Variants in AKT1S1 observed in about 807,000 individuals in gnomAD.
AKT1S1 encodes AKT1 substrate 1.
AKT1S1 carries 17 observed loss-of-function variants against 21.2 expected under a neutral mutation model. The observed-to-expected ratio is 0.80, with a 90% CI of 0.55 to 1.20. AKT1S1 has a LOEUF of 1.20. Ranked by LOEUF, AKT1S1 falls within the 50% of genes most tolerant of loss-of-function variation. The pLI is 0.00. For synonymous variants in AKT1S1, 181 were observed against 165.6 expected, an observed-to-expected ratio of 1.09 and a Z score of -0.72; for missense variants, 366 against 368.3, an observed-to-expected ratio of 0.99 and a Z score of 0.05.
intron 4 of AKT1S1, among the ~76,000 whole-genome samples, chr19:49,871,162 G>A (rs2074879155): frequency 1.3e-5 from 2 of 152,290 alleles, no homozygotes; most frequent in African/African-American, 2.4e-5. Flanking sequence ...TACAAGGGGT[G>A]AACAGGGGAC....
At chr19:49,877,414 G>A (rs994607244), upstream of AKT1S1, 23 of 430,162 alleles carry the variant, frequency 5.3e-5, no homozygotes, top group Middle Eastern at 1.2e-3. Flanking sequence ...GTTTCAAGGC[G>A]TGCTTGCCCC....
chr19:49,869,968 T>C lies in AKT1S1; in HGVS notation c.720A>G (p.Pro240=), dbSNP rs925612605. 6.5e-7 allele frequency: 1 copy of C among 1,545,568 alleles called. No individual in the cohort carries two copies. The highest frequency in any genetic ancestry group is 8.8e-7 in the Non-Finnish European group (1 of 1,142,550). Residue 240 remains proline (P), a synonymous_variant, in exon 5 of 5, where the codon CCA becomes CCG. Transcript: ENST00000344175. ...AEDTQVFGDL[P]RPRLNTSDFQ... ...AGTCGCTGGTGTTAAGCCGCGGCCG[T>C]GGCAGGTCCCCGAAGACCTGGGTGT...
upstream of AKT1S1, chr19:49,878,161 G>A (rs1319941193): frequency 3.2e-6 from 5 of 1,578,332 alleles, no homozygotes; most frequent in African/African-American, 1.4e-5. Context: ...TGAGAAGGGC[G>A]GAGTGTACCT....
intron 4 of AKT1S1, 117 bp from the exon 5 acceptor site, chr19:49,870,177 C>G (rs2074868755): frequency 1.5e-5 from 18 of 1,201,216 alleles, no homozygotes; most frequent in Non-Finnish European, 1.9e-5. Context: ...CCTGCCCTGC[C>G]ACCTGTGCCC....
In AKT1S1 at chr19:49,873,334, G is replaced by A. The variant is rs1044006410; in HGVS notation, c.-7-32C>T. 1.1e-5 allele frequency: 15 copies of A among 1,411,282 alleles called. No individual in the cohort carries two copies. The Admixed American group carries it at 3.7e-4, about 35-fold the overall frequency. 87.4% of individuals were successfully genotyped at this position (1,411,282 alleles called of 1,614,324 possible). A position where few individuals can be genotyped will look rare whatever the true frequency, so the allele number is the denominator to read the frequency against. ...GCCAGAGCAGGACAGAGGGGGCTGA[G>A]GCTTGGCGGCCTACATCATCGCCAC... is the stretch of plus-strand genomic sequence containing the variant. On this transcript the variant is annotated intron_variant, in intron 1 of 4. Transcript: ENST00000344175. The surrounding 1 kb of genome is among the most constrained non-coding windows in gnomAD (Gnocchi z 6.9).
upstream of AKT1S1, chr19:49,878,325 G>C: frequency 7.3e-7 from 1 of 1,372,720 alleles, no homozygotes; most frequent in South Asian, 1.3e-5. Flanking sequence ...GTAGGAGTTT[G>C]GTCTGGCGGT....
chr19:49,871,492 G>A (rs1441040488), intron 4 of AKT1S1, 55 bp downstream of exon 4: 5 of 1,606,796 alleles, frequency 3.1e-6, no homozygotes, highest in Non-Finnish European at 4.2e-6. Context: ...TCCTGGAGGA[G>A]GCGGCTCAGA....
At position 49,871,531 on chromosome 19, in the gene AKT1S1, C is replaced by T. The variant is rs200401092; in HGVS notation, c.627+16G>A. 7 of 1,613,706 alleles carry T rather than the reference C, an allele frequency of 4.3e-6. No homozygotes were observed. The highest frequency in any genetic ancestry group is 1.7e-5 in the Admixed American group (1 of 60,014). ...CTTCCAGCTGCCCTCCCTACCTCCC[C>T]ACATTTGCCCCTCACCGGCCCATTC... is the stretch of plus-strand genomic sequence containing the variant. On this transcript the variant is annotated intron_variant, in intron 4 of 4. Coordinates refer to ENST00000344175, the MANE Select transcript of AKT1S1 (RefSeq NM_001098633.4).
In AKT1S1 at chr19:49,871,675, A is replaced by G. The variant is rs1470542095; in HGVS notation, c.499T>C (p.Cys167Arg). 1.9e-6 allele frequency: 3 copies of G among 1,613,484 alleles called. No individual in the cohort carries two copies. Among genetic ancestry groups the G allele is most frequent in the Non-Finnish European group, 2.5e-6 (3 of 1,179,724 alleles). The change falls in exon 4 of 5, where the codon TGC becomes CGC. Residue 167 changes from cysteine to arginine, a missense_variant. Physicochemically the swap from Cys to Arg is radical, Grantham distance 180. Coordinates refer to ENST00000344175, the MANE Select transcript of AKT1S1 (RefSeq NM_001098633.4). ...SEETPAGPPT[C>R]SVPPASALPT... Reference sequence around the variant, plus strand: ...AGGGCTGAGGCTGGGGGCACTGAGCAGGTGGGGGGGCCGGCGGGGGTCTCC... The same window carrying G: ...AGGGCTGAGGCTGGGGGCACTGAGCGGGTGGGGGGGCCGGCGGGGGTCTCC...
At chr19:49,878,282 G>A (rs1324642373), upstream of AKT1S1, 1 of 1,530,448 alleles carries the variant, frequency 6.5e-7, no homozygotes, top group Non-Finnish European at 8.9e-7. Flanking sequence ...GCTCCGAGCG[G>A]GATGCAGGCG....
intron 1 of AKT1S1, chr19:49,876,641 G>A (rs2074949457): frequency 3.3e-6 from 5 of 1,510,398 alleles, no homozygotes; most frequent in Non-Finnish European, 4.4e-6. Flanking sequence ...CGCCGTCACC[G>A]CCCTCAAAAG....
chr19:49,869,902 C>T lies in AKT1S1; in HGVS notation c.*15G>A. 6.7e-7 allele frequency: 1 copy of T among 1,482,276 alleles called. No individual in the cohort carries two copies. The highest frequency in any genetic ancestry group is 9.1e-7 in the Non-Finnish European group (1 of 1,103,860). 91.8% of individuals were successfully genotyped at this position (1,482,276 alleles called of 1,614,324 possible). The stretch of plus-strand genomic sequence containing the variant: ...GACGGGGCGGACGCGGCCCGGGGCG[C>T]TCCCTCCCTGGACTTCAATATTTCC... On this transcript the variant is annotated 3_prime_UTR_variant, in exon 5 of 5. Transcript: ENST00000344175.
rs1600433562 is a variant in AKT1S1, at chr19:49,873,617, G to A, written c.-7-315C>T. On this transcript the variant is annotated intron_variant, in intron 1 of 4. Transcript: ENST00000344175. The surrounding 1 kb of genome is among the most constrained non-coding windows in gnomAD (Gnocchi z 6.9). ...ACATGTGAACAGGGAGTACTGGAAA[G>A]GCAGGGAGTCCTAGCAGAGAGTCCT... 2 of 363,374 alleles carry A rather than the reference G, an allele frequency of 5.5e-6. No homozygotes were observed. The highest frequency in any genetic ancestry group is 7.1e-4 in the Middle Eastern group (1 of 1,416). The allele number at this position is 363,374 out of a possible 1,614,324, so 22.5% of individuals were successfully genotyped here.
upstream of AKT1S1, chr19:49,877,548 C>T (rs1313282511): frequency 1.6e-6 from 1 of 612,276 alleles, no homozygotes; most frequent in Admixed American, 3.3e-5. Context: ...TCCGATCCAC[C>T]CTCGAGGTTC....
chr19:49,876,297 GA>G (rs2074943294), intron 1 of AKT1S1: 1 of 1,191,088 alleles, frequency 8.4e-7, no homozygotes, highest in Admixed American at 4.5e-5. Flanking sequence ...TTGGACGGGT[GA>G]GGGGCGCCCC....
Position 49,869,155 on chromosome 19 carries a change from C to A in AKT1S1, c.*762G>T, listed in dbSNP as rs1301619573. Reference sequence around the variant, plus strand: ...GAGAGTGAGGGCCCCTGCCCCCCACCTTGGGTGGACGAGGGCCCTTTAAGG... The same window carrying A: ...GAGAGTGAGGGCCCCTGCCCCCCACATTGGGTGGACGAGGGCCCTTTAAGG... On this transcript the variant is annotated 3_prime_UTR_variant, in exon 5 of 5. Transcript: ENST00000344175. 1.3e-5 allele frequency: 2 copies of A among 152,520 alleles called. No homozygotes were observed. Among genetic ancestry groups the A allele is most frequent in the Non-Finnish European group, 2.9e-5 (2 of 68,052 alleles). 9.4% of individuals were successfully genotyped at this position (152,520 alleles called of 1,614,324 possible).
rs535178680 is a variant in AKT1S1 at position 49,869,862 on chromosome 19, G to T, written c.*55C>A. The T allele has an allele frequency of 7.8e-4, 1,092 of 1,398,092 alleles. 1 individual carries two copies. The highest frequency in any genetic ancestry group is 3.8e-3 in the East Asian group (130 of 33,768). The allele number at this position is 1,398,092 out of a possible 1,614,324, so 86.6% of individuals were successfully genotyped here. On this transcript the variant is annotated 3_prime_UTR_variant, in exon 5 of 5. Transcript: ENST00000344175. ...GATTAGCAGGCCCCGGGAGTGGGGC[G>T]GGGGCGTAGTGTGGGACGGGGCGGA... is the stretch of plus-strand genomic sequence containing the variant.
intron 4 of AKT1S1, 23 bp from the exon 5 acceptor site, chr19:49,870,083 A>T: frequency 6.7e-7 from 1 of 1,499,774 alleles, no homozygotes; most frequent in Non-Finnish European, 8.9e-7. Flanking sequence ...CGACGGGGCG[A>T]GGTCAGCGCC....
chr19:49,876,744 G>A, intron 1 of AKT1S1: 1 of 1,371,158 alleles, frequency 7.3e-7, no homozygotes, highest in Non-Finnish European at 9.5e-7. Flanking sequence ...AGATCAAGAT[G>A]GCGGCCACAG....
Sources: gnomAD v4.1 joint callset for allele counts (sites outside exome capture counted in the v4.1 genomes callset) on GRCh38, gnomAD v4.1.1 for gene constraint, Gnocchi (gnomAD v3.1) non-coding constraint, MANE v1.5 for transcripts, NCBI Gene and HGNC (gene_info 2026-07-23, HGNC 2026-07-21) for gene names.